The following SEPSECS variants were observed in gnomAD, a reference collection of about 807,000 sequenced individuals.
The protein encoded by SEPSECS is O-phosphoseryl-tRNA(Sec) selenium transferase.
SEPSECS carries 42 observed loss-of-function variants against 52.1 expected under a neutral mutation model. The ratio of observed to expected loss-of-function variants is 0.81; its 90% CI spans 0.63 to 1.04. SEPSECS has a LOEUF of 1.04. Ranked by LOEUF, SEPSECS falls within the 50% of genes least tolerant of loss-of-function variation. The probability of loss-of-function intolerance (pLI) is 0.00; values close to 1 mark genes in which losing one functional copy is unlikely to be tolerated. For missense variants in SEPSECS, 590 were observed against 610.6 expected (o/e 0.97, Z 0.36); for synonymous variants, 216 against 211.4 (o/e 1.02, Z -0.19).
intron 4 of SEPSECS, 36 bp downstream of exon 4, chr4:25,156,001 T>C (rs539997101): frequency 2.8e-5 from 43 of 1,556,540 alleles, no homozygotes; most frequent in South Asian, 2.7e-4. Context: ...TTCATAATTA[T>C]GATGTTTAAA....
At chr4:25,160,119 G>A (rs1712973177) in intron 1 of SEPSECS, 137 bp downstream of exon 1, 6 of 1,467,658 alleles carry the variant, frequency 4.1e-6, no homozygotes, top group Non-Finnish European at 5.4e-6. Flanking sequence ...GTCAGCTAGG[G>A]CAAGCCAAGC....
At chr4:25,135,677 G>A (rs868218605) in intron 8 of SEPSECS, among the ~76,000 whole-genome samples, 2 of 152,122 alleles carry the variant, frequency 1.3e-5, no homozygotes, top group African/African-American at 2.4e-5. Flanking sequence ...TTGAAAAGGA[G>A]GGACTCCTCC....
chr4:25,132,757 A>C (rs1309335169), intron 8 of SEPSECS, among the ~76,000 whole-genome samples: 1 of 152,192 alleles, frequency 6.6e-6, no homozygotes, highest in Non-Finnish European at 1.5e-5. Flanking sequence ...CCTCCACTAG[A>C]GTGGGAGGGT....
At chr4:25,143,151 TA>T (rs987628791) in intron 8 of SEPSECS, among the ~76,000 whole-genome samples, 8 of 152,366 alleles carry the variant, frequency 5.3e-5, no homozygotes, top group Non-Finnish European at 7.3e-5. Flanking sequence ...TTGGAGTTTA[TA>T]AAACCAGAGT....
intron 3 of SEPSECS, 143 bp downstream of exon 3, chr4:25,156,707 CAAAAAA>C (rs34542574): frequency 3.7e-3 from 844 of 228,496 alleles, no homozygotes; most frequent in South Asian, 6.1e-3. Context: ...GACTCCGTCT[CAAAAAA>C]AAAAAAAAAA....
intron 5 of SEPSECS, among the ~76,000 whole-genome samples, chr4:25,154,640 G>A (rs1294682390): frequency 6.6e-6 from 1 of 151,818 alleles, no homozygotes; most frequent in Non-Finnish European, 1.5e-5. Context: ...AATACTGATA[G>A]CAATGAAAAG....
rs992574615 is a variant in SEPSECS, at chr4:25,157,981, A to T, written c.269+972T>A. Among the ~76,000 whole-genome samples the T allele has an allele frequency of 3.3e-5, 5 of 152,206 alleles. No homozygotes were observed. In the East Asian group the frequency reaches 9.6e-4, roughly 29 times the overall value. On this transcript the variant is annotated intron_variant, in intron 2 of 10. Transcript: ENST00000382103. ...GTGCAAATCTCATTTTAAATTAGAC[A>T]ATATTATACATTGTTTAAAGATACC...
At chr4:25,125,137 A>G (rs1433726295) in intron 10 of SEPSECS, among the ~76,000 whole-genome samples, 1 of 152,184 alleles carries the variant, frequency 6.6e-6, no homozygotes, top group Non-Finnish European at 1.5e-5. Flanking sequence ...AGAAGCATGT[A>G]AAGTATTTAC....
At chr4:25,139,312 T>C (rs1728964884) in intron 8 of SEPSECS, among the ~76,000 whole-genome samples, 1 of 152,164 alleles carries the variant, frequency 6.6e-6, no homozygotes, top group Middle Eastern at 3.2e-3. Flanking sequence ...CCAATACTAT[T>C]TTTAAAGGAG....
In SEPSECS at chr4:25,122,092, A is replaced by G. The variant is rs1261229514; in HGVS notation, c.*1839T>C. ...GCAATTTAGTCCCAAATTCTCATGA[A>G]AAATTTACACTTTTTAATCCAGCAT... On this transcript the variant is annotated 3_prime_UTR_variant, in exon 11 of 11. Transcript: ENST00000382103. The G allele has an allele frequency of 6.6e-6, 1 of 152,180 alleles. No homozygotes were observed. Among genetic ancestry groups the G allele is most frequent in the African/African-American group, 2.4e-5 (1 of 41,458 alleles). 9.4% of individuals were successfully genotyped at this position (152,180 alleles called of 1,614,324 possible). A position where few individuals can be genotyped will look rare whatever the true frequency, so the allele number is the denominator to read the frequency against.
intron 6 of SEPSECS, among the ~76,000 whole-genome samples, chr4:25,149,595 G>T (rs1712183506): frequency 6.6e-6 from 1 of 152,126 alleles, no homozygotes; most frequent in Non-Finnish European, 1.5e-5. Context: ...TAGGGTAATA[G>T]CATTATGAGT....
chr4:25,152,135 T>A lies in SEPSECS; in HGVS notation c.702-73A>T, dbSNP rs940342981. ...ATAAATGATAGTGCAGAAAGTTTTT[T>A]AAAAATTTAATAGTTATCCTTAATG... On this transcript the variant is annotated intron_variant, in intron 5 of 10. Transcript: ENST00000382103. 94 of 917,914 alleles carry A rather than the reference T, an allele frequency of 1.0e-4. 1 individual carries two copies. The highest frequency in any genetic ancestry group is 3.3e-5 in the African/African-American group (2 of 60,664). 56.9% of individuals were successfully genotyped at this position (917,914 alleles called of 1,614,324 possible).
chr4:25,154,433 T>C (rs1712493417), intron 5 of SEPSECS, among the ~76,000 whole-genome samples: 3 of 152,190 alleles, frequency 2.0e-5, no homozygotes, highest in Admixed American at 6.5e-5. Flanking sequence ...ATTTTCAGAA[T>C]AAAAATGTGT....
At chr4:25,126,233 GTAGCTA>G (rs1422572179) in intron 9 of SEPSECS, among the ~76,000 whole-genome samples, 2 of 152,026 alleles carry the variant, frequency 1.3e-5, no homozygotes, top group African/African-American at 2.4e-5. Flanking sequence ...AGCACCACTC[GTAGCTA>G]CCATTTACTA....
intron 8 of SEPSECS, among the ~76,000 whole-genome samples, chr4:25,135,377 G>A (rs1055933104): frequency 8.6e-5 from 13 of 151,838 alleles, no homozygotes; most frequent in East Asian, 3.9e-4. Flanking sequence ...AATGATAAAC[G>A]GGGTATCACC....
At chr4:25,133,343 A>C (rs894883752) in intron 8 of SEPSECS, among the ~76,000 whole-genome samples, 10 of 152,194 alleles carry the variant, frequency 6.6e-5, no homozygotes, top group Non-Finnish European at 1.2e-4. Context: ...CAATTCATGA[A>C]TACTACTCCA....
intron 6 of SEPSECS, among the ~76,000 whole-genome samples, chr4:25,150,214 A>C (rs1712216095): frequency 6.6e-6 from 1 of 152,256 alleles, no homozygotes; most frequent in South Asian, 2.1e-4. Flanking sequence ...GGAGCAAGAC[A>C]CAGGTAATCT....
rs1560336745 is a variant in SEPSECS, at chr4:25,156,841, T to TAAG, written c.388+12_388+14dup. The stretch of plus-strand genomic sequence containing the variant: ...TCCAGACAGCCAAAAGCATTATGAT[T>TAAG]AAGACGGTACATACCAGCCAGCTTT... On this transcript the variant is annotated intron_variant, in intron 3 of 10. Coordinates refer to ENST00000382103, the MANE Select transcript of SEPSECS (RefSeq NM_016955.4). The TAAG allele has an allele frequency of 3.0e-6, 4 of 1,335,734 alleles. No homozygotes were observed. In the South Asian group the frequency reaches 4.7e-5, roughly 16 times the overall value. The allele number at this position is 1,335,734 out of a possible 1,614,324, so 82.7% of individuals were successfully genotyped here.
At chr4:25,144,178 A>G (rs960035645) in intron 8 of SEPSECS, among the ~76,000 whole-genome samples, 2 of 151,922 alleles carry the variant, frequency 1.3e-5, no homozygotes, top group South Asian at 4.2e-4. Context: ...GTCTCTACTA[A>G]AAATACAAAA....
Sources: gnomAD v4.1 joint callset for allele counts (sites outside exome capture counted in the v4.1 genomes callset) on GRCh38, gnomAD v4.1.1 for gene constraint, MANE v1.5 for transcripts, NCBI Gene and HGNC (gene_info 2026-07-23, HGNC 2026-07-21) for gene names.